The following PTP4A3 variants were observed in gnomAD, a reference collection of about 807,000 sequenced individuals.
PTP4A3 encodes the protein protein tyrosine phosphatase type IVA 3.
Under a neutral mutation model 15.2 loss-of-function variants are expected in PTP4A3, and 9 were observed. The observed-to-expected ratio is 0.59, with a 90% CI of 0.36 to 1.03. The LOEUF is 1.03. Among genes scored for constraint, PTP4A3 ranks in the 50% least tolerant of loss-of-function variants. The pLI is 0.02. For synonymous variants in PTP4A3, 95 were observed against 102.0 expected (o/e 0.93, Z 0.41); for missense variants, 234 against 252.1 (o/e 0.93, Z 0.49).
At chr8:141,426,660 G>A in intron 3 of PTP4A3, 4 of 985,426 alleles carry the variant, frequency 4.1e-6, no homozygotes, top group Non-Finnish European at 4.8e-6. Flanking sequence ...CGACTCTGGA[G>A]CAGGCTCTAT....
rs975144251 is a variant in PTP4A3, at chr8:141,425,957, G to A, written c.198+817G>A. ...AGCCTTGGGTTCCTCACCTCAAAGC[G>A]AGGCTGCTTGGAAGAATGGGAGGCA... On this transcript the variant is annotated intron_variant, in intron 3 of 5. Coordinates refer to ENST00000521578, the MANE Select transcript of PTP4A3 (RefSeq NM_032611.3). This position sits in a 1 kb window ranked among gnomAD's most constrained non-coding sequence, Gnocchi z 4.2. 3.3e-5 allele frequency among the ~76,000 whole-genome samples: 5 copies of A among 152,206 alleles called. No homozygotes were observed. The highest frequency in any genetic ancestry group is 5.9e-5 in the Non-Finnish European group (4 of 68,024).
At chr8:141,418,702 G>T (rs1385496682) in intron 1 of PTP4A3, among the ~76,000 whole-genome samples, 15 of 152,162 alleles carry the variant, frequency 9.9e-5, no homozygotes, top group African/African-American at 2.9e-4. Flanking sequence ...TGGGCCGCGG[G>T]CCTGGTGGGG....
In PTP4A3 at chr8:141,431,276, G is replaced by A. The variant is rs766456842; in HGVS notation, c.*232G>A. 24 of 566,106 alleles carry A rather than the reference G, an allele frequency of 4.2e-5. No individual in the cohort carries two copies. Among genetic ancestry groups the A allele is most frequent in the African/African-American group, 1.5e-4 (8 of 52,964 alleles). The allele number at this position is 566,106 out of a possible 1,614,324, so 35.1% of individuals were successfully genotyped here. ...TCCTGTCTCCGCCACTCCCTCTGGC[G>A]GCGCTGGCCGTGGCTCTGTCTCTCT... On this transcript the variant is annotated 3_prime_UTR_variant, in exon 6 of 6. Coordinates refer to ENST00000521578, the MANE Select transcript of PTP4A3 (RefSeq NM_032611.3).
At chr8:141,416,691 G>C (rs1179256699) in intron 1 of PTP4A3, among the ~76,000 whole-genome samples, 1 of 152,142 alleles carries the variant, frequency 6.6e-6, no homozygotes, top group African/African-American at 2.4e-5. Flanking sequence ...GTGCCCTTGG[G>C]TGGAGGCTCC....
chr8:141,392,929 G>C (rs1028189823), intron 1 of PTP4A3, among the ~76,000 whole-genome samples: 3 of 142,792 alleles, frequency 2.1e-5, no homozygotes, highest in Non-Finnish European at 4.7e-5. Context: ...AGAAAGGCAC[G>C]TGCTGCACCC....
chr8:141,426,882 G>C, intron 3 of PTP4A3, 57 bp from the exon 4 acceptor site: 3 of 1,576,194 alleles, frequency 1.9e-6, no homozygotes, highest in South Asian at 1.2e-5. Flanking sequence ...CTGAGCCCCA[G>C]AGCCGCCTCT....
chr8:141,393,410 A>G (rs1832349951), intron 1 of PTP4A3, among the ~76,000 whole-genome samples: 1 of 152,144 alleles, frequency 6.6e-6, no homozygotes, highest in South Asian at 2.1e-4. Flanking sequence ...TGCCCTGTGT[A>G]GGAATTCCTG....
intron 1 of PTP4A3, among the ~76,000 whole-genome samples, chr8:141,402,061 C>G (rs1263721154): frequency 6.6e-6 from 1 of 152,194 alleles, no homozygotes; most frequent in Non-Finnish European, 1.5e-5. Flanking sequence ...AGGAGGAGAC[C>G]TGGGCAGCAG....
chr8:141,427,927 A>G, intron 5 of PTP4A3, 103 bp downstream of exon 5: 2 of 1,142,142 alleles, frequency 1.8e-6, no homozygotes, highest in Non-Finnish European at 2.5e-6. Context: ...CGTCGCTCTG[A>G]GGCTGCGTCG....
intron 1 of PTP4A3, among the ~76,000 whole-genome samples, chr8:141,418,538 A>G (rs1305585853): frequency 6.6e-6 from 1 of 152,156 alleles, no homozygotes; most frequent in African/African-American, 2.4e-5. Flanking sequence ...ACTCTCCCTT[A>G]AAGGGTCTTG....
At chr8:141,400,164 G>T (rs955954429) in intron 1 of PTP4A3, among the ~76,000 whole-genome samples, 1 of 152,150 alleles carries the variant, frequency 6.6e-6, no homozygotes, top group African/African-American at 2.4e-5. Context: ...AAAGTGCTGG[G>T]ATTACAGTGT....
chr8:141,404,561 A>G (rs769862133), intron 1 of PTP4A3, among the ~76,000 whole-genome samples: 7 of 152,248 alleles, frequency 4.6e-5, no homozygotes, highest in Non-Finnish European at 1.0e-4. Context: ...CAGTATAGCC[A>G]TGGTATTCAG....
intron 1 of PTP4A3, among the ~76,000 whole-genome samples, chr8:141,413,377 G>A (rs548614731): frequency 1.3e-5 from 2 of 152,356 alleles, no homozygotes; most frequent in African/African-American, 4.8e-5. Context: ...CATGGCACTG[G>A]CTAAATGGGG....
chr8:141,393,694 T>C (rs1054367263), intron 1 of PTP4A3, among the ~76,000 whole-genome samples: 1 of 152,226 alleles, frequency 6.6e-6, no homozygotes, highest in African/African-American at 2.4e-5. Flanking sequence ...CGCTGACCAC[T>C]GGAGTAAGGC....
rs1334995283 is a variant in PTP4A3 at position 141,431,734 on chromosome 8, G to A, written c.*690G>A. On this transcript the variant is annotated 3_prime_UTR_variant, in exon 6 of 6. Transcript: ENST00000521578. ...GATACCGAGGTGGGAGCCCTGCCTT[G>A]GCCAGGGTGGCCGTGTTGACGGTTC... The A allele has an allele frequency of 6.6e-6, 1 of 152,562 alleles. No individual in the cohort carries two copies. The highest frequency in any genetic ancestry group is 2.4e-5 in the African/African-American group (1 of 41,468). 9.5% of individuals were successfully genotyped at this position (152,562 alleles called of 1,614,324 possible).
At chr8:141,395,122 G>A (rs1832409656) in intron 1 of PTP4A3, among the ~76,000 whole-genome samples, 1 of 152,216 alleles carries the variant, frequency 6.6e-6, no homozygotes, top group Non-Finnish European at 1.5e-5. Context: ...GCGGGATCAG[G>A]GCTACGTGGA....
At chr8:141,421,209 C>T (rs1833312280) in intron 1 of PTP4A3, among the ~76,000 whole-genome samples, 179 bp from the exon 2 acceptor site, 1 of 152,224 alleles carries the variant, frequency 6.6e-6, no homozygotes, top group Non-Finnish European at 1.5e-5. Context: ...AGCCGTGCTT[C>T]CTTGTGCTCC....
chr8:141,420,597 C>T lies in PTP4A3; in HGVS notation c.-853-791C>T, dbSNP rs546294179. ...ACCCACTCCTGGCCACCTGTGCTGTCACCACCTTGGCATGTGTGCCTGATG... is the reference window on the plus strand; with the variant it reads ...ACCCACTCCTGGCCACCTGTGCTGTTACCACCTTGGCATGTGTGCCTGATG... On this transcript the variant is annotated intron_variant, in intron 1 of 5. Coordinates refer to ENST00000521578, the MANE Select transcript of PTP4A3 (RefSeq NM_032611.3). Among the ~76,000 whole-genome samples the T allele has an allele frequency of 1.4e-4, 21 of 152,360 alleles. No homozygotes were observed. The South Asian group carries it at 4.4e-3, about 32-fold the overall frequency.
chr8:141,419,055 C>T (rs1188913923), intron 1 of PTP4A3, among the ~76,000 whole-genome samples: 1 of 152,164 alleles, frequency 6.6e-6, no homozygotes. Context: ...TAACCCCATT[C>T]TAGCCTGGGC....
Sources: allele counts gnomAD v4.1 joint callset (sites outside exome capture counted in the v4.1 genomes callset), GRCh38; gene constraint gnomAD v4.1.1; non-coding constraint Gnocchi (gnomAD v3.1); transcripts MANE v1.5; gene names NCBI Gene and HGNC (gene_info 2026-07-23, HGNC 2026-07-21).